Variants in USP35 observed in about 807,000 individuals in gnomAD.
The protein encoded by USP35 is ubiquitin carboxyl-terminal hydrolase 35.
A neutral mutation model predicts 83.8 loss-of-function variants in USP35; 69 were observed. The ratio of observed to expected loss-of-function variants is 0.82; its 90% confidence interval spans 0.68 to 1.01. The LOEUF is 1.01. Among genes scored for constraint, USP35 ranks in the 50% least tolerant of loss-of-function variants. USP35 has a pLI of 0.00. For synonymous variants in USP35, 714 were observed against 589.5 expected (o/e 1.21, Z -3.06); for missense variants, 1,503 against 1,362.5 (o/e 1.10, Z -1.62).
At chr11:78,189,495 T>C (rs1346520209) in intron 1 of USP35, among the ~76,000 whole-genome samples, 1 of 151,496 alleles carries the variant, frequency 6.6e-6, no homozygotes, top group Non-Finnish European at 1.5e-5. Context: ...GGGAGGGAGG[T>C]GGCACAAACT....
At chr11:78,222,979 A>G in the USP35 span, among the ~76,000 whole-genome samples, 1 of 152,182 alleles carries the variant, frequency 6.6e-6, no homozygotes, top group African/African-American at 2.4e-5. Context: ...GGAGGAAGGT[A>G]GATGCCATAA....
At chr11:78,195,468 G>A (rs1165208203) in intron 1 of USP35, among the ~76,000 whole-genome samples, 2 of 152,170 alleles carry the variant, frequency 1.3e-5, no homozygotes, top group Non-Finnish European at 2.9e-5. Context: ...GAGGCATTCT[G>A]GGACCTCTGT....
chr11:78,210,075 C>T lies in USP35; in HGVS notation c.2220C>T (p.Thr740=), dbSNP rs761683102. ...EKEEDSLGAG[T]HPDAAIPSGE... ...AAGAAGACAGCCTGGGAGCGGGGAC[C>T]CACCCGGATGCTGCCATCCCCTCCG... Residue 740 remains threonine, a synonymous_variant, in exon 10 of 11, where the codon ACC becomes ACT. Transcript: ENST00000529308. 10 of 1,613,810 alleles carry T rather than the reference C, an allele frequency of 6.2e-6. No individual in the cohort carries two copies. In the African/African-American group the frequency reaches 1.3e-4, roughly 22 times the overall value.
In USP35 at chr11:78,214,881, CTGACTTACTTACCTTACTGAGGGCTGGG is replaced by C. The variant is rs1273617812; in HGVS notation, c.*1072_*1099del. On this transcript the variant is annotated 3_prime_UTR_variant, in exon 11 of 11. Coordinates refer to ENST00000529308, the MANE Select transcript of USP35 (RefSeq NM_020798.4). Reference sequence around the variant, plus strand: ...GGGTGTAAGTAAACGTGTGGACTGACTGACTTACTTACCTTACTGAGGGCTGGGTGATGCTGCCCGTGGAGAGGATGCA... The same window carrying C: ...GGGTGTAAGTAAACGTGTGGACTGACTGATGCTGCCCGTGGAGAGGATGCA... Among the ~76,000 whole-genome samples the C allele has an allele frequency of 7.3e-6, 1 of 137,362 alleles. No individual in the cohort carries two copies. The highest frequency in any genetic ancestry group is 1.5e-5 in the Non-Finnish European group (1 of 65,706). The allele number at this position is 137,362 out of a possible 152,430, so 90.1% of individuals were successfully genotyped here. A position where few individuals can be genotyped will look rare whatever the true frequency, so the allele number is the denominator to read the frequency against.
downstream of USP35, chr11:78,215,778 G>A (rs111642945): frequency 0.024 from 3,571 of 151,846 alleles, 65 homozygotes; most frequent in Middle Eastern, 0.095. Flanking sequence ...GACCCCCCAC[G>A]GAAGGGCTTT....
At position 78,196,986 on chromosome 11, in the gene USP35, T is replaced by G; in HGVS notation, c.673+68T>G. 1 of 1,413,302 alleles carries G rather than the reference T, an allele frequency of 7.1e-7. No homozygotes were observed. The allele number at this position is 1,413,302 out of a possible 1,614,324, so 87.5% of individuals were successfully genotyped here. A position where few individuals can be genotyped will look rare whatever the true frequency, so the allele number is the denominator to read the frequency against. Reference sequence around the variant, plus strand: ...CTGGGTGGGCGCTTGGGTAGGTGGCTGTACGTGTGGATTTGTGCATGCGGG... The same window carrying G: ...CTGGGTGGGCGCTTGGGTAGGTGGCGGTACGTGTGGATTTGTGCATGCGGG... On this transcript the variant is annotated intron_variant, in intron 2 of 10. Coordinates refer to ENST00000529308, the MANE Select transcript of USP35 (RefSeq NM_020798.4). The surrounding 1 kb of genome is among the most constrained non-coding windows in gnomAD (Gnocchi z 4.8).
At position 78,210,570 on chromosome 11, in the gene USP35, T is replaced by C; in HGVS notation, c.2715T>C (p.Ser905=). The C allele has an allele frequency of 6.2e-7, 1 of 1,613,280 alleles. No individual in the cohort carries two copies. The highest frequency in any genetic ancestry group is 1.1e-5 in the South Asian group (1 of 91,052). ...DTRVSFSSFE[S]VSNVTSFFPK... The stretch of plus-strand genomic sequence containing the variant: ...GGGTGTCCTTCTCTTCCTTCGAATC[T>C]GTCAGCAACGTCACCTCCTTCTTCC... The change falls in exon 10 of 11, where the codon TCT becomes TCC. Residue 905 remains serine (S), a synonymous_variant. Coordinates refer to ENST00000529308, the MANE Select transcript of USP35 (RefSeq NM_020798.4).
the USP35 span, chr11:78,225,316 C>G: frequency 3.0e-6 from 2 of 657,474 alleles, no homozygotes; most frequent in Non-Finnish European, 5.4e-6. Context: ...AGATACTACT[C>G]TCAACCCCAA....
chr11:78,201,950 A>G (rs566420670), intron 6 of USP35, among the ~76,000 whole-genome samples: 1 of 152,334 alleles, frequency 6.6e-6, no homozygotes, highest in South Asian at 2.1e-4. Flanking sequence ...AGCAGACGAG[A>G]TAACCTGAAA....
rs536882409 is a variant in USP35, at chr11:78,191,033, G to A, written c.-11+1876G>A. ...AGAGTTCTGAGCAGGGGCATGGACG[G>A]AATGGTGCTTACCGTGTAATAAGCT... On this transcript the variant is annotated intron_variant, in intron 1 of 10. Coordinates refer to ENST00000529308, the MANE Select transcript of USP35 (RefSeq NM_020798.4). Among the ~76,000 whole-genome samples the A allele has an allele frequency of 3.3e-5, 5 of 152,330 alleles. No individual in the cohort carries two copies. The South Asian group carries it at 1.0e-3, about 32-fold the overall frequency.
chr11:78,226,400 A>T, the USP35 span: 2 of 1,290,764 alleles, frequency 1.5e-6, no homozygotes, highest in Non-Finnish European at 2.3e-6. Context: ...AAGGACCATC[A>T]AACTATTGAG....
chr11:78,209,146 T>C (rs775286437), intron 9 of USP35, among the ~76,000 whole-genome samples, 183 bp downstream of exon 9: 2 of 152,142 alleles, frequency 1.3e-5, no homozygotes, highest in Non-Finnish European at 2.9e-5. Flanking sequence ...TGGTAGATGC[T>C]GAGTGGAAGT....
chr11:78,235,134 A>G, the USP35 span, among the ~76,000 whole-genome samples: 2 of 151,734 alleles, frequency 1.3e-5, no homozygotes, highest in Non-Finnish European at 2.9e-5. Context: ...AGCCGGTTTG[A>G]TTTTCTCCCC....
the USP35 span, chr11:78,231,963 T>A: frequency 6.6e-6 from 1 of 152,340 alleles, no homozygotes; most frequent in South Asian, 2.1e-4. Flanking sequence ...TCCAAATGGA[T>A]CCTTCCTGTG....
rs2450137 is a variant in USP35, at chr11:78,214,187, C to G, written c.*374C>G. On this transcript the variant is annotated 3_prime_UTR_variant, in exon 11 of 11. Coordinates refer to ENST00000529308, the MANE Select transcript of USP35 (RefSeq NM_020798.4). The stretch of plus-strand genomic sequence containing the variant: ...TTGACATCAAGTACTATTTTCCTTC[C>G]GACTGCTGTACGGTATAAAGCACAG... 0.21 allele frequency: 35,414 copies of G among 169,930 alleles called. 4,222 individuals carry two copies. The highest frequency in any genetic ancestry group is 0.39 in the East Asian group (2,078 of 5,380). The allele number at this position is 169,930 out of a possible 1,614,324, so 10.5% of individuals were successfully genotyped here. A position where few individuals can be genotyped will look rare whatever the true frequency, so the allele number is the denominator to read the frequency against.
chr11:78,235,210 T>C, the USP35 span, among the ~76,000 whole-genome samples: 2 of 151,956 alleles, frequency 1.3e-5, no homozygotes, highest in Non-Finnish European at 2.9e-5. Context: ...TGGAGTGCAG[T>C]GGCACGATCT....
At chr11:78,233,244 G>A in the USP35 span, among the ~76,000 whole-genome samples, 4 of 152,128 alleles carry the variant, frequency 2.6e-5, no homozygotes, top group South Asian at 2.1e-4. Flanking sequence ...CATGTTGCCC[G>A]GGCTGGTCTC....
At chr11:78,198,844 A>G (rs1863239146) in intron 3 of USP35, 1 of 300,438 alleles carries the variant, frequency 3.3e-6, no homozygotes, top group Non-Finnish European at 4.9e-6. Flanking sequence ...CCCATCATCT[A>G]GGGTTGTTGT....
In USP35 at chr11:78,200,145, C is replaced by G. The variant is rs758206967; in HGVS notation, c.949C>G (p.Leu317Val). Reference sequence around the variant, plus strand: ...GACTCTCTTGTAGGTTTTCTCTAAGCTGCTGTACCCCATCGTCCGGGGAGC... The same window carrying G: ...GACTCTCTTGTAGGTTTTCTCTAAGGTGCTGTACCCCATCGTCCGGGGAGC... Reference protein sequence around the residue: ...LTKIEKVFSKLLYPIVRGAAL... With the variant: ...LTKIEKVFSKVLYPIVRGAAL... Residue 317 changes from leucine to valine, a missense_variant, in exon 5 of 11, where the codon CTG becomes GTG. Leu to Val is a conservative substitution (Grantham distance 32). Transcript: ENST00000529308. The G allele has an allele frequency of 8.7e-6, 14 of 1,614,096 alleles. No homozygotes were observed. The East Asian group carries it at 3.1e-4, about 36-fold the overall frequency.
Sources: gnomAD v4.1 joint callset for allele counts (sites outside exome capture counted in the v4.1 genomes callset) on GRCh38, gnomAD v4.1.1 for gene constraint, Gnocchi (gnomAD v3.1) non-coding constraint, MANE v1.5 for transcripts, NCBI Gene and HGNC (gene_info 2026-07-23, HGNC 2026-07-21) for gene names.